Variants in CDH23 observed in about 807,000 individuals in gnomAD.
CDH23 encodes the protein cadherin-23.
In CDH23, 189 loss-of-function variants were observed where a neutral mutation model predicts 317.1. That is an observed-to-expected ratio of 0.60 (90% CI 0.53 to 0.67). CDH23 has a LOEUF of 0.67. Among genes scored for constraint, CDH23 ranks in the 30% least tolerant of loss-of-function variants. CDH23 has a pLI of 0.00. For synonymous variants in CDH23, 1,839 were observed against 1,876.8 expected (o/e 0.98, Z 0.52); for missense variants, 4,401 against 4,592.4 (o/e 0.96, Z 1.20).
At chr10:71,755,179 C>G (rs1840101031) in intron 38 of CDH23, 1 of 703,878 alleles carries the variant, frequency 1.4e-6, no homozygotes. Context: ...CCGGAAATGG[C>G]ATGCCTCCTT....
intron 3 of CDH23, among the ~76,000 whole-genome samples, chr10:71,484,150 G>A (rs1051160306): frequency 6.6e-5 from 10 of 152,190 alleles, no homozygotes. Flanking sequence ...GGGAGGACGC[G>A]AGAACAGTCG....
chr10:71,615,512 A>G lies in CDH23; in HGVS notation c.841A>G (p.Asn281Asp). The change falls in exon 10 of 70, where the codon AAC becomes GAC. Residue 281 changes from asparagine to aspartate, a missense_variant. By Grantham distance (23) the Asn-to-Asp change is conservative (BLOSUM62 1). Coordinates refer to ENST00000224721, the MANE Select transcript of CDH23 (RefSeq NM_022124.6). The part of the protein sequence containing the change: ...IGYTIVSGNT[N>D]SIFALDYISG... ...GCTTCTCTCTCTTGCAGGGAATACCAACAGCATCTTTGCCCTGGACTACAT... is the reference window on the plus strand; with the variant it reads ...GCTTCTCTCTCTTGCAGGGAATACCGACAGCATCTTTGCCCTGGACTACAT... The G allele has an allele frequency of 6.2e-7, 1 of 1,606,340 alleles. No individual in the cohort carries two copies.
intron 30 of CDH23, among the ~76,000 whole-genome samples, chr10:71,730,002 T>C (rs1839310096): frequency 6.6e-6 from 1 of 151,990 alleles, no homozygotes. Flanking sequence ...GCCCGGCTAA[T>C]TTTTTGTATT....
intron 6 of CDH23, among the ~76,000 whole-genome samples, chr10:71,546,223 T>C (rs1423704945): frequency 1.3e-5 from 2 of 152,152 alleles, no homozygotes; most frequent in Non-Finnish European, 2.9e-5. Context: ...TTCTCCATGT[T>C]TATTTCAGCA....
intron 3 of CDH23, among the ~76,000 whole-genome samples, chr10:71,481,881 G>A (rs1405594100): frequency 6.6e-6 from 1 of 152,168 alleles, no homozygotes; most frequent in East Asian, 1.9e-4. Flanking sequence ...GGGTGACTGA[G>A]CCCCTGCCAG....
intron 24 of CDH23, among the ~76,000 whole-genome samples, chr10:71,704,641 C>T (rs1487940506): frequency 6.6e-6 from 1 of 152,112 alleles, no homozygotes; most frequent in African/African-American, 2.4e-5. Context: ...GCTGTAGAGA[C>T]CTGAGCTCTT....
chr10:71,774,570 A>G (rs1236633575), intron 38 of CDH23, among the ~76,000 whole-genome samples: 1 of 152,194 alleles, frequency 6.6e-6, no homozygotes, highest in East Asian at 1.9e-4. Context: ...AGACCCTAGC[A>G]CAAAGCTGGG....
intron 1 of CDH23, among the ~76,000 whole-genome samples, chr10:71,425,821 T>C (rs905845121): frequency 5.9e-5 from 9 of 152,214 alleles, no homozygotes; most frequent in African/African-American, 1.7e-4. Flanking sequence ...CAGTCACATG[T>C]ACAGAAAGAT....
chr10:71,813,347 A>C lies in CDH23; in HGVS notation c.9737A>C (p.Glu3246Ala). ...KASSCHSSIS[E>A]LIQTELDEEP... The stretch of plus-strand genomic sequence containing the variant: ...TCCTCCTGCCACTCCTCCATCTCTG[A>C]GGTAGCCGGCTGGGTGGCTGGGAGC... The change falls in exon 69 of 70, where the codon GAG becomes GCG. Residue 3246 changes from glutamate (E) to alanine (A), a missense_variant and splice_region_variant. Around this residue, in one of 3 missense-constraint regions of CDH23, gnomAD observed 1,144 missense variants for 1,138.2 expected, o/e 1.01. Transcript: ENST00000224721. The C allele has an allele frequency of 6.4e-7, 1 of 1,551,362 alleles. No individual in the cohort carries two copies. Among genetic ancestry groups the C allele is most frequent in the Non-Finnish European group, 8.7e-7 (1 of 1,146,856 alleles).
intron 1 of CDH23, among the ~76,000 whole-genome samples, chr10:71,424,890 A>G (rs535673968): frequency 1.3e-5 from 2 of 152,286 alleles, no homozygotes; most frequent in South Asian, 4.1e-4. Context: ...AGAGGAGCTC[A>G]GGGAAGGCTC....
At chr10:71,563,003 A>G (rs1028161282) in intron 6 of CDH23, among the ~76,000 whole-genome samples, 1 of 152,128 alleles carries the variant, frequency 6.6e-6, no homozygotes, top group African/African-American at 2.4e-5. Context: ...TGGAACAAAC[A>G]TGAGTGCCTA....
intron 3 of CDH23, among the ~76,000 whole-genome samples, chr10:71,472,960 C>T (rs1305465799): frequency 6.6e-6 from 1 of 152,160 alleles, no homozygotes; most frequent in Non-Finnish European, 1.5e-5. Context: ...AAACATTTTT[C>T]CTTTATTTGG....
intron 38 of CDH23, among the ~76,000 whole-genome samples, chr10:71,762,787 G>A (rs562534117): frequency 4.7e-4 from 71 of 152,296 alleles, no homozygotes; most frequent in African/African-American, 1.7e-3. Flanking sequence ...TGAGGGACCG[G>A]GACAGAGAGT....
intron 69 of CDH23, among the ~76,000 whole-genome samples, chr10:71,813,965 C>T (rs1241820194): frequency 6.6e-6 from 1 of 152,182 alleles, no homozygotes; most frequent in African/African-American, 2.4e-5. Context: ...ATATGTTTGC[C>T]TGTAATGATT....
At chr10:71,804,656 G>A (rs1841656564) in intron 55 of CDH23, among the ~76,000 whole-genome samples, 1 of 152,194 alleles carries the variant, frequency 6.6e-6, no homozygotes, top group Non-Finnish European at 1.5e-5. Flanking sequence ...CAGTGATTGA[G>A]CAGTCGGTCC....
At chr10:71,748,939 G>A (rs560844208) in intron 38 of CDH23, 7 of 153,036 alleles carry the variant, frequency 4.6e-5, no homozygotes, top group East Asian at 1.9e-4. Flanking sequence ...AGGAAACCAC[G>A]AAGCCCAGAT....
intron 14 of CDH23, among the ~76,000 whole-genome samples, chr10:71,674,174 A>G (rs1470696290): frequency 6.6e-6 from 1 of 152,164 alleles, no homozygotes; most frequent in East Asian, 1.9e-4. Flanking sequence ...TTTTCATTTC[A>G]TTCATTTGGG....
chr10:71,606,749 G>A lies in CDH23; in HGVS notation c.833-8755G>A, dbSNP rs774986396. 3.9e-5 allele frequency among the ~76,000 whole-genome samples: 6 copies of A among 152,176 alleles called. No homozygotes were observed. In the East Asian group the frequency reaches 5.8e-4, roughly 15 times the overall value. On this transcript the variant is annotated intron_variant, in intron 9 of 69. Coordinates refer to ENST00000224721, the MANE Select transcript of CDH23 (RefSeq NM_022124.6). ...ATGGAGAGAGAGTGACAGGGGTGAGGGTGGGAAGGTGGGGGTAACTGGGGA... is the reference window on the plus strand; with the variant it reads ...ATGGAGAGAGAGTGACAGGGGTGAGAGTGGGAAGGTGGGGGTAACTGGGGA...
intron 27 of CDH23, chr10:71,711,680 A>G (rs1362204521): frequency 6.6e-6 from 1 of 152,206 alleles, no homozygotes; most frequent in Non-Finnish European, 1.5e-5. Context: ...CCAATATTTT[A>G]TAAAGAATGA....
Sources: gnomAD v4.1 joint callset for allele counts (sites outside exome capture counted in the v4.1 genomes callset) on GRCh38, gnomAD v4.1.1 for gene constraint, gnomAD v4.1.1 regional missense constraint, MANE v1.5 for transcripts, NCBI Gene and HGNC (gene_info 2026-07-23, HGNC 2026-07-21) for gene names.